SNX29: variants seen among roughly 807,000 people sequenced by gnomAD.
SNX29 encodes sorting nexin-29.
Under a neutral mutation model 102.1 loss-of-function variants are expected in SNX29, and 78 were observed. The observed-to-expected ratio is 0.76, with a 90% CI of 0.64 to 0.92. The LOEUF is 0.92. SNX29 is among the 40% of genes least tolerant of loss of function. The pLI, the probability that SNX29 is intolerant of heterozygous loss-of-function variation, is 0.00. For synonymous variants in SNX29, 580 were observed against 414.5 expected, an observed-to-expected ratio of 1.40 and a Z score of -4.85; for missense variants, 1,280 against 1,061.7, an observed-to-expected ratio of 1.21 and a Z score of -2.86.
At chr16:12,188,846 C>T (rs1026307455) in intron 13 of SNX29, among the ~76,000 whole-genome samples, 3 of 152,148 alleles carry the variant, frequency 2.0e-5, no homozygotes, top group African/African-American at 7.2e-5. Flanking sequence ...ATTTGAGTCC[C>T]CTGGCAGCAG....
At chr16:11,978,407 C>T (rs973445039) in intron 1 of SNX29, among the ~76,000 whole-genome samples, 1 of 152,242 alleles carries the variant, frequency 6.6e-6, no homozygotes, top group Non-Finnish European at 1.5e-5. Context: ...CTCGACCATT[C>T]TGGGAGTCCC....
At chr16:12,236,358 T>A (rs1447473205) in intron 14 of SNX29, among the ~76,000 whole-genome samples, 2 of 152,238 alleles carry the variant, frequency 1.3e-5, no homozygotes, top group African/African-American at 4.8e-5. Context: ...GACCCTTCTG[T>A]TGAGGGTGAC....
chr16:12,085,939 A>G (rs1233993111), intron 11 of SNX29, among the ~76,000 whole-genome samples: 1 of 151,882 alleles, frequency 6.6e-6, no homozygotes, highest in Non-Finnish European at 1.5e-5. Flanking sequence ...CATGGTGTCT[A>G]GCTATAGTAA....
At chr16:12,542,396 C>T (rs994167696) in intron 20 of SNX29, among the ~76,000 whole-genome samples, 8 of 152,222 alleles carry the variant, frequency 5.3e-5, no homozygotes, top group African/African-American at 1.7e-4. Context: ...AGTACAGTGG[C>T]ACAGTCTCCC....
intron 14 of SNX29, among the ~76,000 whole-genome samples, chr16:12,250,891 C>G (rs528045188): frequency 2.6e-5 from 4 of 152,310 alleles, no homozygotes; most frequent in African/African-American, 7.2e-5. Flanking sequence ...TCCCCCTGGG[C>G]TGGTGCCTGG....
intron 14 of SNX29, among the ~76,000 whole-genome samples, chr16:12,259,999 T>A (rs924108520): frequency 6.6e-6 from 1 of 152,188 alleles, no homozygotes; most frequent in African/African-American, 2.4e-5. Flanking sequence ...CGCGGCCACG[T>A]TCCTCCAGTC....
intron 3 of SNX29, among the ~76,000 whole-genome samples, chr16:12,004,290 G>A (rs1490273477): frequency 6.6e-6 from 1 of 151,582 alleles, no homozygotes; most frequent in Non-Finnish European, 1.5e-5. Flanking sequence ...GCAGTGAGCC[G>A]AGATTGCGCC....
chr16:12,533,445 A>G (rs1432115281), intron 20 of SNX29, among the ~76,000 whole-genome samples: 1 of 152,144 alleles, frequency 6.6e-6, no homozygotes, highest in Non-Finnish European at 1.5e-5. Context: ...GTGAGACACT[A>G]ATGTTGCACC....
Position 12,096,448 on chromosome 16 carries a change from A to G in SNX29, c.1402+17533A>G, listed in dbSNP as rs1052989841. Among the ~76,000 whole-genome samples the G allele has an allele frequency of 6.6e-6, 1 of 152,228 alleles. No homozygotes were observed. The highest frequency in any genetic ancestry group is 2.4e-5 in the African/African-American group (1 of 41,472). ...CACATGTTAAAATTTCCCCATCATT[A>G]TAATGCAGATTTAAGAGTGCCAGCA... is the stretch of plus-strand genomic sequence containing the variant. On this transcript the variant is annotated intron_variant, in intron 11 of 20. Coordinates refer to ENST00000566228, the MANE Select transcript of SNX29 (RefSeq NM_032167.5). This position sits in a 1 kb window ranked among gnomAD's most constrained non-coding sequence, Gnocchi z 4.2.
At chr16:12,032,658 C>T (rs958285574) in intron 4 of SNX29, among the ~76,000 whole-genome samples, 16 of 151,846 alleles carry the variant, frequency 1.1e-4, no homozygotes, top group South Asian at 2.1e-4. Context: ...CTTGTTTTTT[C>T]CACTTTTAGT....
intron 13 of SNX29, among the ~76,000 whole-genome samples, chr16:12,183,372 C>G (rs770339685): frequency 1.1e-4 from 17 of 151,960 alleles, no homozygotes; most frequent in Non-Finnish European, 2.4e-4. Flanking sequence ...AGTCCTAGTA[C>G]TATAAACTTG....
At chr16:12,029,506 A>G (rs1255012153) in intron 4 of SNX29, 1 of 453,526 alleles carries the variant, frequency 2.2e-6, no homozygotes, top group Non-Finnish European at 4.4e-6. Flanking sequence ...GGAGAAATGA[A>G]TTATTTTCCA....
chr16:12,502,042 G>A (rs909772110), intron 19 of SNX29, among the ~76,000 whole-genome samples: 2 of 152,166 alleles, frequency 1.3e-5, no homozygotes, highest in Admixed American at 6.6e-5. Flanking sequence ...CAATGGAAAG[G>A]TTCTAGTTCT....
intron 18 of SNX29, among the ~76,000 whole-genome samples, chr16:12,473,574 AG>A (rs2087457647): frequency 6.6e-6 from 1 of 152,190 alleles, no homozygotes; most frequent in South Asian, 2.1e-4. Context: ...CATCTTGAAT[AG>A]GGGCTGGGTA....
At chr16:12,212,138 C>T (rs1331238791) in intron 14 of SNX29, among the ~76,000 whole-genome samples, 2 of 152,182 alleles carry the variant, frequency 1.3e-5, no homozygotes, top group Non-Finnish European at 2.9e-5. Context: ...CCAGAGACGC[C>T]TGCCTATGTG....
At chr16:12,195,673 A>G (rs762516167) in intron 13 of SNX29, among the ~76,000 whole-genome samples, 3 of 152,318 alleles carry the variant, frequency 2.0e-5, no homozygotes, top group African/African-American at 7.2e-5. Context: ...TACGTTTTCA[A>G]TGTTGCCCTG....
At chr16:12,422,621 G>A (rs1256024468) in intron 18 of SNX29, among the ~76,000 whole-genome samples, 3 of 152,194 alleles carry the variant, frequency 2.0e-5, no homozygotes. Context: ...CAGTCCAGCA[G>A]CAGAGTTGAG....
chr16:12,397,916 C>G (rs1273343722), intron 16 of SNX29, among the ~76,000 whole-genome samples: 2 of 152,144 alleles, frequency 1.3e-5, no homozygotes, highest in Non-Finnish European at 2.9e-5. Context: ...AGTTTAGTTT[C>G]TCTCCCCTAG....
chr16:12,563,044 G>A (rs567511399), intron 20 of SNX29, among the ~76,000 whole-genome samples: 8 of 152,234 alleles, frequency 5.3e-5, no homozygotes, highest in South Asian at 2.1e-4. Context: ...AAGGGCCAAG[G>A]TCACCTCGAA....
Sources: allele counts gnomAD v4.1 joint callset (sites outside exome capture counted in the v4.1 genomes callset), GRCh38; gene constraint gnomAD v4.1.1; non-coding constraint Gnocchi (gnomAD v3.1); transcripts MANE v1.5; gene names NCBI Gene and HGNC (gene_info 2026-07-23, HGNC 2026-07-21).